PM20D2: variants seen among roughly 807,000 people sequenced by gnomAD.
PM20D2 encodes the protein peptidase M20 domain containing 2, also known as xaa-Arg dipeptidase.
PM20D2 carries 33 observed loss-of-function variants against 42.9 expected under a neutral mutation model. The observed-to-expected ratio is 0.77, with a 90% confidence interval of 0.58 to 1.03. The LOEUF is 1.03. Ranked by LOEUF, PM20D2 falls within the 50% of genes least tolerant of loss-of-function variation. The pLI, the probability that PM20D2 is intolerant of heterozygous loss-of-function variation, is 0.00. For synonymous variants in PM20D2, 250 were observed against 228.2 expected (o/e 1.10, Z -0.86); for missense variants, 548 against 557.0 (o/e 0.98, Z 0.16).
chr6:89,136,142 A>G, the PM20D2 span, among the ~76,000 whole-genome samples: 5 of 151,090 alleles, frequency 3.3e-5, no homozygotes, highest in Non-Finnish European at 7.4e-5. Context: ...GCCCAGTTCA[A>G]CTTTCCCTTA....
the PM20D2 span, among the ~76,000 whole-genome samples, chr6:89,138,722 G>GAA: frequency 6.6e-6 from 1 of 152,052 alleles, no homozygotes; most frequent in African/African-American, 2.4e-5. Flanking sequence ...AAAATTAGAT[G>GAA]GGTGTAGTGG....
chr6:89,125,396 C>T, the PM20D2 span, among the ~76,000 whole-genome samples: 16 of 151,956 alleles, frequency 1.1e-4, no homozygotes, highest in South Asian at 2.1e-4. Flanking sequence ...AGGAGAATGG[C>T]GTGAACCTGG....
At chr6:89,148,649 T>G in intron 1 of PM20D2, 1 of 820,106 alleles carries the variant, frequency 1.2e-6, no homozygotes, top group Non-Finnish European at 1.5e-6. Flanking sequence ...AAAGGATTAA[T>G]GAGTTCAGAC....
At chr6:89,127,642 A>G in the PM20D2 span, among the ~76,000 whole-genome samples, 1 of 152,162 alleles carries the variant, frequency 6.6e-6, no homozygotes, top group Non-Finnish European at 1.5e-5. Context: ...TGCTCTTCCA[A>G]AAACACTGAG....
chr6:89,143,351 A>G (rs1770403957), upstream of PM20D2, among the ~76,000 whole-genome samples: 1 of 152,180 alleles, frequency 6.6e-6, no homozygotes. Flanking sequence ...CTCATTTGTC[A>G]TGAATGTCCT....
At position 89,163,998 on chromosome 6, in the gene PM20D2, A is replaced by G. The variant is rs2127783949; in HGVS notation, c.*1735A>G. The G allele has an allele frequency of 6.6e-6, 1 of 152,278 alleles. No individual in the cohort carries two copies. The highest frequency in any genetic ancestry group is 1.5e-5 in the Non-Finnish European group (1 of 68,012). 9.4% of individuals were successfully genotyped at this position (152,278 alleles called of 1,614,324 possible). A position where few individuals can be genotyped will look rare whatever the true frequency, so the allele number is the denominator to read the frequency against. On this transcript the variant is annotated 3_prime_UTR_variant, in exon 7 of 7. Coordinates refer to ENST00000275072, the MANE Select transcript of PM20D2 (RefSeq NM_001010853.3). The stretch of plus-strand genomic sequence containing the variant: ...CTTTTAAAGTAAAATATGTGGTACT[A>G]TGAATTACTAAATTGCTATATACCA...
At chr6:89,119,084 A>C in the PM20D2 span, among the ~76,000 whole-genome samples, 2 of 152,174 alleles carry the variant, frequency 1.3e-5, no homozygotes, top group African/African-American at 4.8e-5. Flanking sequence ...CTTCTAGCTC[A>C]CAGCCCTCCC....
At chr6:89,098,923 A>G in the PM20D2 span, 13 of 1,613,596 alleles carry the variant, frequency 8.1e-6, no homozygotes, top group African/African-American at 1.3e-5. Flanking sequence ...TAGACTGGCT[A>G]TAAGAAAATC....
intron 5 of PM20D2, among the ~76,000 whole-genome samples, chr6:89,160,611 A>G (rs1280246325): frequency 6.6e-6 from 1 of 152,224 alleles, no homozygotes; most frequent in Non-Finnish European, 1.5e-5. Context: ...TCCTGTGAGA[A>G]GCTAGATGCA....
chr6:89,149,170 T>G, intron 1 of PM20D2, 95 bp from the exon 2 acceptor site: 1 of 1,444,136 alleles, frequency 6.9e-7, no homozygotes, highest in Non-Finnish European at 9.4e-7. Flanking sequence ...TTAAGGACTT[T>G]AATGTAGATT....
chr6:89,132,317 C>G, the PM20D2 span, among the ~76,000 whole-genome samples: 93,699 of 146,882 alleles, frequency 0.64, 31,323 homozygotes, highest in South Asian at 0.76. Context: ...TCCTGTGCTG[C>G]CAAGCCACAT....
chr6:89,144,483 C>G (rs1449051271), upstream of PM20D2, among the ~76,000 whole-genome samples: 1 of 152,180 alleles, frequency 6.6e-6, no homozygotes, highest in Non-Finnish European at 1.5e-5. Context: ...ACCATGGTGG[C>G]TGAAAGTCAG....
the PM20D2 span, among the ~76,000 whole-genome samples, chr6:89,112,448 T>C: frequency 1.6e-5 from 2 of 128,584 alleles, no homozygotes; most frequent in Non-Finnish European, 3.2e-5. Flanking sequence ...CTTTTCTTTC[T>C]TTTTTTTTTT....
the PM20D2 span, chr6:89,096,969 G>A: frequency 6.6e-6 from 1 of 152,172 alleles, no homozygotes; most frequent in African/African-American, 2.4e-5. Flanking sequence ...TCAAAGAGTT[G>A]TAGTTTTGAA....
In PM20D2 at chr6:89,164,796, T is replaced by C. The variant is rs1382399323; in HGVS notation, c.*2533T>C. 2 of 152,272 alleles carry C rather than the reference T, an allele frequency of 1.3e-5. No homozygotes were observed. The highest frequency in any genetic ancestry group is 2.1e-4 in the South Asian group (1 of 4,824). 9.4% of individuals were successfully genotyped at this position (152,272 alleles called of 1,614,324 possible). ...AAATTATGTGTATTTTCTTCTCTTT[T>C]ACATAAATTGTTTGTGAAAAGTGTG... On this transcript the variant is annotated 3_prime_UTR_variant, in exon 7 of 7. Coordinates refer to ENST00000275072, the MANE Select transcript of PM20D2 (RefSeq NM_001010853.3).
At chr6:89,130,834 T>G in the PM20D2 span, among the ~76,000 whole-genome samples, 13 of 135,446 alleles carry the variant, frequency 9.6e-5, no homozygotes, top group African/African-American at 3.4e-4. Context: ...TTTTTTTTTT[T>G]TTTTTTTTTT....
At chr6:89,096,519 C>T in the PM20D2 span, 1 of 152,176 alleles carries the variant, frequency 6.6e-6, no homozygotes, top group Non-Finnish European at 1.5e-5. Context: ...ATGGTATCCT[C>T]CTAAGCAGCC....
Position 89,158,447 on chromosome 6 carries a change from G to A in PM20D2, c.1035G>A (p.Leu345=), listed in dbSNP as rs1273588853. 2 of 1,603,318 alleles carry A rather than the reference G, an allele frequency of 1.2e-6. No individual in the cohort carries two copies. The highest frequency in any genetic ancestry group is 1.7e-6 in the Non-Finnish European group (2 of 1,177,902). The change falls in exon 5 of 7, where the codon TTG becomes TTA. Residue 345 remains leucine (L), a synonymous_variant. Coordinates refer to ENST00000275072, the MANE Select transcript of PM20D2 (RefSeq NM_001010853.3). ...GIEFISEDTM[L]NGPSGSTDFG... ...AGTTCATTTCAGAAGATACAATGTTGAATGGCCCTTCAGGTAATTAAGTGT... is the reference window on the plus strand; with the variant it reads ...AGTTCATTTCAGAAGATACAATGTTAAATGGCCCTTCAGGTAATTAAGTGT...
the PM20D2 span, among the ~76,000 whole-genome samples, chr6:89,100,374 A>AAC: frequency 6.6e-6 from 1 of 152,250 alleles, no homozygotes; most frequent in Non-Finnish European, 1.5e-5. Context: ...TTCAAAGCCA[A>AAC]AACAAGCAGC....
Sources: gnomAD v4.1 joint callset for allele counts (sites outside exome capture counted in the v4.1 genomes callset) on GRCh38, gnomAD v4.1.1 for gene constraint, MANE v1.5 for transcripts, NCBI Gene and HGNC (gene_info 2026-07-23, HGNC 2026-07-21) for gene names.